The following STARD7 variants were observed in gnomAD, a reference collection of about 807,000 sequenced individuals.
The protein encoded by STARD7 is stAR-related lipid transfer protein 7, mitochondrial.
A neutral mutation model predicts 45.3 loss-of-function variants in STARD7; 30 were observed. That is an observed-to-expected ratio of 0.66 (90% confidence interval 0.50 to 0.90). The LOEUF (loss-of-function observed/expected upper bound fraction) is 0.90. STARD7 is among the 40% of genes least tolerant of loss of function. The pLI, the probability that STARD7 is intolerant of heterozygous loss-of-function variation, is 0.00. For synonymous variants in STARD7, 199 were observed against 183.0 expected, an observed-to-expected ratio of 1.09 and a Z score of -0.70; for missense variants, 495 against 491.3, an observed-to-expected ratio of 1.01 and a Z score of -0.07.
At chr2:96,203,369 C>G (rs905582866) in intron 1 of STARD7, among the ~76,000 whole-genome samples, 2 of 152,188 alleles carry the variant, frequency 1.3e-5, no homozygotes, top group Admixed American at 6.5e-5. Context: ...AGAGACCATG[C>G]CTTTCTTTCT....
intron 1 of STARD7, 151 bp downstream of exon 1, chr2:96,207,994 T>A: frequency 1.5e-6 from 1 of 669,212 alleles, no homozygotes; most frequent in African/African-American, 1.9e-5. Flanking sequence ...CAGAGACAAA[T>A]AACAACGCGG....
At position 96,185,437 on chromosome 2, in the gene STARD7, G is replaced by A. The variant is rs921484769; in HGVS notation, c.*1293C>T. The A allele has an allele frequency of 6.6e-6, 1 of 152,064 alleles. No homozygotes were observed. Among genetic ancestry groups the A allele is most frequent in the East Asian group, 1.9e-4 (1 of 5,202 alleles). The allele number at this position is 152,064 out of a possible 1,614,324, so 9.4% of individuals were successfully genotyped here. A position where few individuals can be genotyped will look rare whatever the true frequency, so the allele number is the denominator to read the frequency against. The stretch of plus-strand genomic sequence containing the variant: ...CCTCAAGACTCCAGAAAAAAGGGAA[G>A]GAGGAGGATTTAAAACTTGATCCCT... On this transcript the variant is annotated 3_prime_UTR_variant, in exon 8 of 8. Coordinates refer to ENST00000337288, the MANE Select transcript of STARD7 (RefSeq NM_020151.4).
rs539436502 is a variant in STARD7 at position 96,201,162 on chromosome 2, GCATGTCCTGGTAAACATTA to G, written c.291-5632_291-5614del. ...TTCATATTTGTAGTTCCAGCTCCTA[GCATGTCCTGGTAAACATTA>G]CATGTCCTGGTAAACATTACATACA... On this transcript the variant is annotated intron_variant, in intron 1 of 7. Transcript: ENST00000337288. Among the ~76,000 whole-genome samples the G allele has an allele frequency of 2.7e-3, 412 of 152,152 alleles. 2 individuals carry two copies. Among genetic ancestry groups the G allele is most frequent in the Middle Eastern group, 0.01 (3 of 294 alleles).
rs1558735872 is a variant in STARD7, at chr2:96,197,105, A to AAACTAAACTAAACAAC, written c.291-1557_291-1556insGTTGTTTAGTTTAGTT. Among the ~76,000 whole-genome samples the AAACTAAACTAAACAAC allele has an allele frequency of 1.4e-5, 2 of 141,610 alleles. 1 individual carries two copies. Among genetic ancestry groups the AAACTAAACTAAACAAC allele is most frequent in the East Asian group, 5.1e-4 (2 of 3,926 alleles). 92.9% of individuals were successfully genotyped at this position (141,610 alleles called of 152,430 possible). ...ATAAAATAAAATAAAATAAAATAAA[A>AAACTAAACTAAACAAC]TAAAATAAAATAAAATAAAGCCAAG... On this transcript the variant is annotated intron_variant, in intron 1 of 7. Transcript: ENST00000337288.
At chr2:96,201,744 G>A (rs909206809) in intron 1 of STARD7, among the ~76,000 whole-genome samples, 15 of 152,188 alleles carry the variant, frequency 9.9e-5, no homozygotes, top group African/African-American at 3.4e-4. Flanking sequence ...GTTGCAGTGA[G>A]TTGAGATCGT....
Position 96,208,365 on chromosome 2 carries a change from C to G in STARD7, c.70G>C (p.Ala24Pro), listed in dbSNP as rs1484987144. The change falls in exon 1 of 8, where the codon GCC becomes CCC. Residue 24 changes from alanine (A) to proline (P), a missense_variant. Ala to Pro is a conservative substitution (Grantham distance 27). Around this residue, in one of 2 missense-constraint regions of STARD7, gnomAD observed 282 missense variants for 220.1 expected, o/e 1.28. Transcript: ENST00000337288. Reference sequence around the variant, plus strand: ...CCCGTGACGAAGCGGCACTGATTGGCCAGAAGCGCCAGCAGGCCCCCGCCC... The same window carrying G: ...CCCGTGACGAAGCGGCACTGATTGGGCAGAAGCGCCAGCAGGCCCCCGCCC... Reference protein sequence around the residue: ...TRGGGLLALLANQCRFVTGLR... With the variant: ...TRGGGLLALLPNQCRFVTGLR... The G allele has an allele frequency of 6.5e-7, 1 of 1,544,996 alleles. No individual in the cohort carries two copies. The highest frequency in any genetic ancestry group is 1.4e-5 in the African/African-American group (1 of 70,326).
At chr2:96,208,042 A>G in intron 1 of STARD7, 103 bp downstream of exon 1, 1 of 1,159,766 alleles carries the variant, frequency 8.6e-7, no homozygotes, top group Non-Finnish European at 1.2e-6. Flanking sequence ...ATTGCCAATT[A>G]AAAGACCACC....
At chr2:96,207,672 C>T (rs1246139247) in intron 1 of STARD7, among the ~76,000 whole-genome samples, 7 of 152,176 alleles carry the variant, frequency 4.6e-5, no homozygotes, top group African/African-American at 1.7e-4. Flanking sequence ...AATTTTGCCA[C>T]GAGTCACGAT....
rs770966803 is a variant in STARD7 at position 96,208,141 on chromosome 2, C to T, written c.290+4G>A. 1 of 1,555,174 alleles carries T rather than the reference C, an allele frequency of 6.4e-7. No individual in the cohort carries two copies. On this transcript the variant is annotated splice_donor_region_variant and intron_variant, in intron 1 of 7. Transcript: ENST00000337288. ...GCCCAGAAAGAGCTCGCCGCAGCGCCCACCTCTGCAACTCCTCCTCCTGGA... is the reference window on the plus strand; with the variant it reads ...GCCCAGAAAGAGCTCGCCGCAGCGCTCACCTCTGCAACTCCTCCTCCTGGA...
intron 1 of STARD7, among the ~76,000 whole-genome samples, chr2:96,201,198 T>A (rs1683298353): frequency 6.6e-6 from 1 of 151,952 alleles, no homozygotes. Flanking sequence ...CTGGTAAACA[T>A]TACATACATT....
At chr2:96,196,374 C>T (rs759992058) in intron 1 of STARD7, among the ~76,000 whole-genome samples, 2 of 152,152 alleles carry the variant, frequency 1.3e-5, no homozygotes, top group African/African-American at 2.4e-5. Flanking sequence ...ATGGGAACAT[C>T]ACTTGAGCCC....
At position 96,196,756 on chromosome 2, in the gene STARD7, C is replaced by A. The variant is rs577726667; in HGVS notation, c.291-1207G>T. The stretch of plus-strand genomic sequence containing the variant: ...GATTACAGGCGTAAACCACCGTGCC[C>A]AGCTACACTGTCTCTTAAAAAATAA... On this transcript the variant is annotated intron_variant, in intron 1 of 7. Transcript: ENST00000337288. Among the ~76,000 whole-genome samples the A allele has an allele frequency of 2.6e-5, 4 of 152,100 alleles. No homozygotes were observed. In the South Asian group the frequency reaches 8.3e-4, roughly 31 times the overall value.
chr2:96,202,573 T>C (rs1455215008), intron 1 of STARD7, among the ~76,000 whole-genome samples: 3 of 152,200 alleles, frequency 2.0e-5, no homozygotes, highest in Non-Finnish European at 2.9e-5. Flanking sequence ...CCATAGGGCA[T>C]CGATTACAGC....
At position 96,208,448 on chromosome 2, in the gene STARD7, G is replaced by C; in HGVS notation, c.-14C>G. 1 of 1,359,772 alleles carries C rather than the reference G, an allele frequency of 7.4e-7. No individual in the cohort carries two copies. 84.2% of individuals were successfully genotyped at this position (1,359,772 alleles called of 1,614,324 possible). On this transcript the variant is annotated 5_prime_UTR_variant, in exon 1 of 8. Coordinates refer to ENST00000337288, the MANE Select transcript of STARD7 (RefSeq NM_020151.4). ...CCGCGGGAGCATGCCGCCTCCCGCA[G>C]GGCCCGCCGCGAGCTTCCGGGGCCC...
chr2:96,195,984 G>C (rs1043074760), intron 1 of STARD7, among the ~76,000 whole-genome samples: 1 of 151,588 alleles, frequency 6.6e-6, no homozygotes, highest in African/African-American at 2.4e-5. Flanking sequence ...ATGGTGGCGC[G>C]CAACTGTAAT....
Position 96,185,979 on chromosome 2 carries a change from G to A in STARD7, c.*751C>T, listed in dbSNP as rs186840390. 6.6e-6 allele frequency: 1 copy of A among 152,312 alleles called. No homozygotes were observed. Among genetic ancestry groups the A allele is most frequent in the East Asian group, 1.9e-4 (1 of 5,194 alleles). The allele number at this position is 152,312 out of a possible 1,614,324, so 9.4% of individuals were successfully genotyped here. On this transcript the variant is annotated 3_prime_UTR_variant, in exon 8 of 8. Transcript: ENST00000337288. ...TGGGGAAGGTTAGGAAGGAGGCAAT[G>A]ATCCAATGAATATAGAAGAACTGGC...
chr2:96,196,793 C>T (rs190455288), intron 1 of STARD7, among the ~76,000 whole-genome samples: 2 of 152,082 alleles, frequency 1.3e-5, no homozygotes, highest in East Asian at 3.9e-4. Flanking sequence ...ATAGGCTAGG[C>T]GCAGTGGCTC....
intron 1 of STARD7, among the ~76,000 whole-genome samples, chr2:96,207,249 T>C (rs976969720): frequency 1.1e-4 from 16 of 152,230 alleles, no homozygotes; most frequent in African/African-American, 3.9e-4. Flanking sequence ...GAATAACAGG[T>C]TGTTTCCCTG....
At chr2:96,192,542 G>C in intron 5 of STARD7, 74 bp from the exon 6 acceptor site, 4 of 1,155,702 alleles carry the variant, frequency 3.5e-6, no homozygotes, top group Non-Finnish European at 5.2e-6. Flanking sequence ...TAAGTTAAGG[G>C]GAAGGCCTAA....
Sources: allele counts gnomAD v4.1 joint callset (sites outside exome capture counted in the v4.1 genomes callset), GRCh38; gene constraint gnomAD v4.1.1; regional missense constraint gnomAD v4.1.1; transcripts MANE v1.5; gene names NCBI Gene and HGNC (gene_info 2026-07-23, HGNC 2026-07-21).